The following TRAP1 variants were observed in gnomAD, a reference collection of about 807,000 sequenced individuals.
TRAP1 encodes the protein heat shock protein 75 kDa, mitochondrial.
Under a neutral mutation model 89.1 loss-of-function variants are expected in TRAP1, and 102 were observed. The ratio of observed to expected loss-of-function variants is 1.15; its 90% confidence interval spans 0.98 to 1.35. TRAP1 has a LOEUF of 1.35. Ranked by LOEUF, TRAP1 falls within the 40% of genes most tolerant of loss-of-function variation. TRAP1 has a pLI of 0.00. For missense variants in TRAP1, 1,256 were observed against 945.3 expected, an observed-to-expected ratio of 1.33 and a Z score of -4.31; for synonymous variants, 508 against 388.0, an observed-to-expected ratio of 1.31 and a Z score of -3.64.
chr16:3,670,194 A>G (rs2050892681), intron 11 of TRAP1, among the ~76,000 whole-genome samples: 1 of 150,768 alleles, frequency 6.6e-6, no homozygotes, highest in African/African-American at 2.5e-5. Context: ...CATCCTGGCT[A>G]ACACGGTGAA....
chr16:3,663,209 A>G (rs1342159507), intron 14 of TRAP1: 1 of 703,914 alleles, frequency 1.4e-6, no homozygotes, highest in African/African-American at 1.8e-5. Context: ...GGCCAGCTCC[A>G]GAAGCCACCG....
At chr16:3,713,310 G>A (rs1236811382) in intron 1 of TRAP1, among the ~76,000 whole-genome samples, 1 of 152,212 alleles carries the variant, frequency 6.6e-6, no homozygotes, top group Non-Finnish European at 1.5e-5. Flanking sequence ...AAGTACTGAA[G>A]GGGAGGGCGC....
At chr16:3,662,234 G>A (rs1166289883) in intron 15 of TRAP1, 102 bp from the exon 16 acceptor site, 2 of 1,442,196 alleles carry the variant, frequency 1.4e-6, no homozygotes, top group Non-Finnish European at 1.9e-6. Flanking sequence ...CGAGGTAGCA[G>A]GCGGGGTCTC....
intron 1 of TRAP1, among the ~76,000 whole-genome samples, chr16:3,705,934 C>T (rs192728115): frequency 1.3e-4 from 20 of 151,642 alleles, no homozygotes; most frequent in Middle Eastern, 3.5e-3. Flanking sequence ...CTCAGGTGAT[C>T]GGCCCACCTC....
chr16:3,698,591 C>G (rs1297519942), intron 1 of TRAP1, among the ~76,000 whole-genome samples: 1 of 151,946 alleles, frequency 6.6e-6, no homozygotes, highest in Non-Finnish European at 1.5e-5. Context: ...CGTGAGCCAC[C>G]GCGCCCGGCT....
At chr16:3,690,024 T>A (rs2051192209) in intron 2 of TRAP1, among the ~76,000 whole-genome samples, 3 of 152,078 alleles carry the variant, frequency 2.0e-5, no homozygotes, top group Admixed American at 2.0e-4. Context: ...CTTTTTTTTT[T>A]AGAGGCAGGA....
At chr16:3,715,839 A>T (rs544116831) in intron 1 of TRAP1, among the ~76,000 whole-genome samples, 3 of 152,192 alleles carry the variant, frequency 2.0e-5, no homozygotes, top group Non-Finnish European at 4.4e-5. Context: ...AGAGAGCAAC[A>T]GCATCACTTT....
intron 1 of TRAP1, among the ~76,000 whole-genome samples, chr16:3,700,670 T>A: frequency 6.6e-6 from 1 of 151,964 alleles, no homozygotes; most frequent in South Asian, 2.1e-4. Context: ...TTCTCCATGT[T>A]GCCCAGGCTG....
In TRAP1 at chr16:3,662,914, T is replaced by C; in HGVS notation, c.1762A>G (p.Asn588Asp). ...TTGGTGACACGCGACCCCAGCACATTTCTCATCCAGGCCATGAGCTCCTCC... is the reference window on the plus strand; with the variant it reads ...TTGGTGACACGCGACCCCAGCACATCTCTCATCCAGGCCATGAGCTCCTCC... ...ETEELMAWMR[N>D]VLGSRVTNVK... Residue 588 changes from asparagine to aspartate, a missense_variant, in exon 15 of 18, where the codon AAT (asparagine) becomes GAT (aspartate). Coordinates refer to ENST00000246957, the MANE Select transcript of TRAP1 (RefSeq NM_016292.3). The C allele has an allele frequency of 1.2e-6, 2 of 1,613,356 alleles. No individual in the cohort carries two copies. The highest frequency in any genetic ancestry group is 1.7e-6 in the Non-Finnish European group (2 of 1,179,994).
chr16:3,686,767 TCA>T (rs920800041), intron 3 of TRAP1, among the ~76,000 whole-genome samples: 1 of 152,082 alleles, frequency 6.6e-6, no homozygotes, highest in African/African-American at 2.4e-5. Flanking sequence ...GGTCAGGAGC[TCA>T]AGACCAGCAT....
At chr16:3,693,977 G>C (rs1344461941) in intron 1 of TRAP1, among the ~76,000 whole-genome samples, 1 of 143,424 alleles carries the variant, frequency 7.0e-6, no homozygotes, top group Non-Finnish European at 1.5e-5. Flanking sequence ...CTTCAGGCTG[G>C]GTGAGACAGC....
chr16:3,709,666 G>T (rs995471324), intron 1 of TRAP1, among the ~76,000 whole-genome samples: 2 of 151,970 alleles, frequency 1.3e-5, no homozygotes, highest in Non-Finnish European at 2.9e-5. Flanking sequence ...GTGTGTGTGT[G>T]TGAGACGGAG....
At chr16:3,663,298 C>A in intron 14 of TRAP1, 126 bp downstream of exon 14, 1 of 1,295,684 alleles carries the variant, frequency 7.7e-7, no homozygotes. Flanking sequence ...TCCCACAAGG[C>A]TCTTCTCGGG....
chr16:3,710,879 A>ATATATATTTTTT lies in TRAP1; in HGVS notation c.88+6541_88+6542insAAAAAATATATA, dbSNP rs71133652. 7.6e-4 allele frequency among the ~76,000 whole-genome samples: 96 copies of ATATATATTTTTT among 125,782 alleles called. No homozygotes were observed. In the East Asian group the frequency reaches 0.01, roughly 13 times the overall value. 82.5% of individuals were successfully genotyped at this position (125,782 alleles called of 152,430 possible). The stretch of plus-strand genomic sequence containing the variant: ...TGTGTATATATATATATATATATAT[A>ATATATATTTTTT]TTTTTTTTTTTGAGACACTGTCACT... On this transcript the variant is annotated intron_variant, in intron 1 of 17. Transcript: ENST00000246957.
intron 1 of TRAP1, among the ~76,000 whole-genome samples, chr16:3,713,074 T>A (rs129987): frequency 0.19 from 28,155 of 152,082 alleles, 2,690 homozygotes; most frequent in East Asian, 0.26. Context: ...TCATGGACGC[T>A]ACACCTCTAG....
chr16:3,712,285 CAAAAAAAAAAAAAAAAAAAAAAA>C (rs764259574), intron 1 of TRAP1, among the ~76,000 whole-genome samples: 1 of 32,054 alleles, frequency 3.1e-5, no homozygotes, highest in African/African-American at 1.2e-4. Context: ...GAATCTGTCT[CAAAAAAAAAAAAAAAAAAAAAAA>C]AAAAAAAAAA....
At chr16:3,713,641 C>T (rs543368845) in intron 1 of TRAP1, among the ~76,000 whole-genome samples, 1 of 152,346 alleles carries the variant, frequency 6.6e-6, no homozygotes, top group South Asian at 2.1e-4. Context: ...GACTCGGCAC[C>T]CTTGGTGATT....
chr16:3,698,783 C>T (rs2051325688), intron 1 of TRAP1, among the ~76,000 whole-genome samples: 1 of 151,912 alleles, frequency 6.6e-6, no homozygotes, highest in Non-Finnish European at 1.5e-5. Flanking sequence ...CCTGTAGTCT[C>T]AGCTACTTGG....
chr16:3,711,718 G>T (rs1429177065), intron 1 of TRAP1, among the ~76,000 whole-genome samples: 3 of 152,112 alleles, frequency 2.0e-5, no homozygotes, highest in Non-Finnish European at 2.9e-5. Flanking sequence ...ATTCCTAGTG[G>T]TTTTAGCAGA....
Sources: allele counts gnomAD v4.1 joint callset (sites outside exome capture counted in the v4.1 genomes callset), GRCh38; gene constraint gnomAD v4.1.1; transcripts MANE v1.5; gene names NCBI Gene and HGNC (gene_info 2026-07-23, HGNC 2026-07-21).